NEO1: variants seen among roughly 807,000 people sequenced by gnomAD.
The protein encoded by NEO1 is neogenin.
Under a neutral mutation model 159.7 loss-of-function variants are expected in NEO1, and 63 were observed. The observed-to-expected ratio is 0.39, with a 90% CI of 0.32 to 0.49. The LOEUF (loss-of-function observed/expected upper bound fraction) is 0.49, where lower values mean the gene tolerates loss of function less well. NEO1 is among the 20% of genes least tolerant of loss of function. The pLI, the probability that NEO1 is intolerant of heterozygous loss-of-function variation, is 0.85. For synonymous variants in NEO1, 633 were observed against 662.0 expected (o/e 0.96, Z 0.67); for missense variants, 1,615 against 1,831.0 (o/e 0.88, Z 2.15).
chr15:73,073,656 G>A (rs914303054), intron 1 of NEO1, among the ~76,000 whole-genome samples: 1 of 152,118 alleles, frequency 6.6e-6, no homozygotes, highest in East Asian at 1.9e-4. Context: ...CGAGAGGGAA[G>A]GAACATAAGA....
intron 5 of NEO1, among the ~76,000 whole-genome samples, chr15:73,147,745 TATTA>T (rs374650926): frequency 3.2e-3 from 483 of 152,286 alleles, no homozygotes; most frequent in African/African-American, 0.011. Flanking sequence ...GTCTCTTATT[TATTA>T]ATTTTAACTA....
intron 18 of NEO1, 105 bp downstream of exon 18, chr15:73,270,559 T>C: frequency 8.0e-7 from 1 of 1,252,046 alleles, no homozygotes; most frequent in Non-Finnish European, 1.1e-6. Flanking sequence ...CAACTACATT[T>C]GGAATTCAGT....
At chr15:73,099,116 C>G (rs1465026421) in intron 1 of NEO1, among the ~76,000 whole-genome samples, 1 of 152,088 alleles carries the variant, frequency 6.6e-6, no homozygotes, top group Non-Finnish European at 1.5e-5. Flanking sequence ...GCATTTACAA[C>G]TGCTTTTGGT....
chr15:73,225,863 G>A (rs2038554267), intron 7 of NEO1, among the ~76,000 whole-genome samples: 2 of 152,104 alleles, frequency 1.3e-5, no homozygotes, highest in Admixed American at 6.5e-5. Flanking sequence ...CCTTCTCCCT[G>A]TGGTGTTTTT....
intron 4 of NEO1, among the ~76,000 whole-genome samples, chr15:73,131,645 C>G (rs2031147808): frequency 6.6e-6 from 1 of 152,198 alleles, no homozygotes; most frequent in Admixed American, 6.5e-5. Context: ...TGGCCTCATT[C>G]CAAATACACC....
At chr15:73,078,866 T>C (rs529238887) in intron 1 of NEO1, among the ~76,000 whole-genome samples, 7 of 152,208 alleles carry the variant, frequency 4.6e-5, no homozygotes, top group East Asian at 1.9e-4. Context: ...TGTGTTGATA[T>C]AGTAAGTCAT....
chr15:73,156,752 T>A (rs1020743992), intron 5 of NEO1, among the ~76,000 whole-genome samples: 4 of 152,174 alleles, frequency 2.6e-5, no homozygotes, highest in Non-Finnish European at 5.9e-5. Context: ...AGTTGCAGAA[T>A]TCTCAGGAAC....
chr15:73,081,889 T>A (rs1001187274), intron 1 of NEO1, among the ~76,000 whole-genome samples: 1 of 139,020 alleles, frequency 7.2e-6, no homozygotes, highest in African/African-American at 2.6e-5. Flanking sequence ...TTTTTTGAGA[T>A]GGAGTCTTGC....
Position 73,258,859 on chromosome 15 carries a change from T to C in NEO1, c.2186T>C (p.Phe729Ser). 1 of 1,613,750 alleles carries C rather than the reference T, an allele frequency of 6.2e-7. No individual in the cohort carries two copies. Among genetic ancestry groups the C allele is most frequent in the South Asian group, 1.1e-5 (1 of 91,074 alleles). Residue 729 changes from phenylalanine to serine, a missense_variant, in exon 14 of 29, where the codon TTT becomes TCT. Phe to Ser is a radical substitution (Grantham distance 155). Coordinates refer to ENST00000261908, the MANE Select transcript of NEO1 (RefSeq NM_002499.4). ...PATDWLSAET[F>S]ESDLDETRVP... is the part of the protein sequence containing the mutation. Reference sequence around the variant, plus strand: ...ACTGACTGGCTGTCTGCTGAAACTTTTGAAAGTGACCTAGATGGTAAGAAT... The same window carrying C: ...ACTGACTGGCTGTCTGCTGAAACTTCTGAAAGTGACCTAGATGGTAAGAAT...
At position 73,163,468 on chromosome 15, in the gene NEO1, C is replaced by T. The variant is rs184676880; in HGVS notation, c.1016-12935C>T. On this transcript the variant is annotated intron_variant, in intron 5 of 28. Coordinates refer to ENST00000261908, the MANE Select transcript of NEO1 (RefSeq NM_002499.4). ...TTCAAAAAGCATTTACATACATGTA[C>T]ATCTACAAATAAATTTTTTTCATTA... Among the ~76,000 whole-genome samples the T allele has an allele frequency of 7.5e-4, 114 of 152,158 alleles. 1 individual carries two copies. Among genetic ancestry groups the T allele is most frequent in the African/African-American group, 2.7e-3 (110 of 41,498 alleles).
chr15:73,112,411 T>C (rs577343064), intron 1 of NEO1, among the ~76,000 whole-genome samples: 3 of 152,328 alleles, frequency 2.0e-5, no homozygotes, highest in East Asian at 1.9e-4. Flanking sequence ...TGCTTTGTTA[T>C]GGTATTTTGC....
intron 7 of NEO1, among the ~76,000 whole-genome samples, chr15:73,184,399 C>G (rs950261189): frequency 1.3e-5 from 2 of 152,110 alleles, no homozygotes; most frequent in African/African-American, 4.8e-5. Context: ...CTCCTACAGA[C>G]TACAAGATGA....
intron 22 of NEO1, among the ~76,000 whole-genome samples, chr15:73,278,928 G>A (rs2041544813): frequency 6.6e-6 from 1 of 152,282 alleles, no homozygotes; most frequent in African/African-American, 2.4e-5. Flanking sequence ...TACCAGACGT[G>A]GGAACCTAGA....
At chr15:73,257,004 C>T (rs1486419975) in intron 13 of NEO1, among the ~76,000 whole-genome samples, 2 of 151,014 alleles carry the variant, frequency 1.3e-5, no homozygotes, top group African/African-American at 4.9e-5. Flanking sequence ...TGGTGGTGCT[C>T]ACCTGTGGTC....
intron 12 of NEO1, among the ~76,000 whole-genome samples, 193 bp downstream of exon 12, chr15:73,253,642 G>A (rs1184379751): frequency 6.6e-6 from 1 of 152,064 alleles, no homozygotes; most frequent in African/African-American, 2.4e-5. Context: ...GAAGTAAAAA[G>A]ACATAGATAT....
intron 7 of NEO1, among the ~76,000 whole-genome samples, chr15:73,187,722 G>C (rs1311733373): frequency 6.6e-6 from 1 of 152,188 alleles, no homozygotes; most frequent in East Asian, 1.9e-4. Flanking sequence ...GATTTGGCCT[G>C]TGGGCACAGT....
At position 73,282,739 on chromosome 15, in the gene NEO1, C is replaced by G. The variant is rs150162700; in HGVS notation, c.3263-225C>G. On this transcript the variant is annotated intron_variant, in intron 22 of 28. Transcript: ENST00000261908. Reference sequence around the variant, plus strand: ...TTGAGAAGCTTTAATTAAGTACTATCTTTGAGCAGGCTCTGTCCTGAGCAC... The same window carrying G: ...TTGAGAAGCTTTAATTAAGTACTATGTTTGAGCAGGCTCTGTCCTGAGCAC... 2.0e-5 allele frequency among the ~76,000 whole-genome samples: 3 copies of G among 152,202 alleles called. No individual in the cohort carries two copies. In the East Asian group the frequency reaches 5.8e-4, roughly 29 times the overall value.
chr15:73,110,956 TCTC>T (rs970023897), intron 1 of NEO1, among the ~76,000 whole-genome samples: 2 of 151,906 alleles, frequency 1.3e-5, no homozygotes, highest in Non-Finnish European at 2.9e-5. Context: ...AAAGGATTGT[TCTC>T]CACCACCACC....
At position 73,274,796 on chromosome 15, in the gene NEO1, C is replaced by CTT. The variant is rs201909530; in HGVS notation, c.3193+87_3193+88dup. 3,778 of 1,067,982 alleles carry CTT rather than the reference C, an allele frequency of 3.5e-3. 1 individual carries two copies. The highest frequency in any genetic ancestry group is 6.6e-3 in the South Asian group (423 of 63,654). The allele number at this position is 1,067,982 out of a possible 1,614,324, so 66.2% of individuals were successfully genotyped here. ...TATTATTAGCTTTTGGTTTTTGTTT[C>CTT]TTTTTTTTTTTTTTTTCCTGAAAAA... is the stretch of plus-strand genomic sequence containing the variant. On this transcript the variant is annotated intron_variant, in intron 21 of 28. Transcript: ENST00000261908.
Sources: gnomAD v4.1 joint callset for allele counts (sites outside exome capture counted in the v4.1 genomes callset) on GRCh38, gnomAD v4.1.1 for gene constraint, MANE v1.5 for transcripts, NCBI Gene and HGNC (gene_info 2026-07-23, HGNC 2026-07-21) for gene names.